Variants in DIAPH1 observed in about 807,000 individuals in gnomAD.
The protein encoded by DIAPH1 is diaphanous related formin 1.
In DIAPH1, 46 loss-of-function variants were observed where a neutral mutation model predicts 140.7. The ratio of observed to expected loss-of-function variants is 0.33; its 90% CI spans 0.26 to 0.42. The LOEUF (loss-of-function observed/expected upper bound fraction) is 0.42, where lower values mean the gene tolerates loss of function less well. Among genes scored for constraint, DIAPH1 ranks in the 10% least tolerant of loss-of-function variants. The pLI, the probability that DIAPH1 is intolerant of heterozygous loss-of-function variation, is 1.00. For synonymous variants in DIAPH1, 565 were observed against 551.6 expected, an observed-to-expected ratio of 1.02 and a Z score of -0.34; for missense variants, 1,310 against 1,558.7, an observed-to-expected ratio of 0.84 and a Z score of 2.69.
At position 141,516,573 on chromosome 5, in the gene DIAPH1, G is replaced by A. The variant is rs938609251; in HGVS notation, c.*278C>T. The A allele has an allele frequency of 2.0e-6, 1 of 498,006 alleles. No homozygotes were observed. Among genetic ancestry groups the A allele is most frequent in the Middle Eastern group, 5.8e-4 (1 of 1,730 alleles). 30.8% of individuals were successfully genotyped at this position (498,006 alleles called of 1,614,324 possible). A position where few individuals can be genotyped will look rare whatever the true frequency, so the allele number is the denominator to read the frequency against. The stretch of plus-strand genomic sequence containing the variant: ...CCCTCTGAGTAACAGAGAGGAGACA[G>A]GGTTAAGGCAGCAAACATGGACCCT... On this transcript the variant is annotated 3_prime_UTR_variant, in exon 28 of 28. Transcript: ENST00000389054.
intron 18 of DIAPH1, chr5:141,560,966 C>T (rs1015816762): frequency 1.1e-5 from 5 of 454,000 alleles, no homozygotes; most frequent in Admixed American, 2.4e-5. Context: ...GATGGGAGGA[C>T]CGCCATCTCT....
At chr5:141,591,507 G>A (rs1031370775) in intron 1 of DIAPH1, among the ~76,000 whole-genome samples, 1 of 151,006 alleles carries the variant, frequency 6.6e-6, no homozygotes, top group African/African-American at 2.4e-5. Flanking sequence ...TCAATGAAGA[G>A]ACTGAAGCCC....
chr5:141,562,001 G>C (rs544874241), intron 18 of DIAPH1: 1 of 152,362 alleles, frequency 6.6e-6, no homozygotes, highest in South Asian at 2.1e-4. Flanking sequence ...ACACTCGAGT[G>C]AAGTCTGGAA....
intron 18 of DIAPH1, among the ~76,000 whole-genome samples, chr5:141,561,603 C>T (rs998025678): frequency 6.6e-6 from 1 of 152,150 alleles, no homozygotes; most frequent in Non-Finnish European, 1.5e-5. Flanking sequence ...AATATAACCA[C>T]ATTATAGAAA....
Position 141,527,597 on chromosome 5 carries a change from T to G in DIAPH1, c.3249A>C (p.Lys1083Asn). The G allele has an allele frequency of 6.2e-7, 1 of 1,613,604 alleles. No individual in the cohort carries two copies. Among genetic ancestry groups the G allele is most frequent in the South Asian group, 1.1e-5 (1 of 90,944 alleles). The change falls in exon 24 of 28, where the codon AAA becomes AAC. Residue 1083 changes from lysine to asparagine, a missense_variant. Physicochemically the swap from Lys to Asn is moderately conservative, Grantham distance 94. Coordinates refer to ENST00000389054, the MANE Select transcript of DIAPH1 (RefSeq NM_005219.5). ...TGGTCATTTTTTCAACAAACTTGTC[T>G]TTTTCATCTGTGGCAGCTGGGAAAT... The part of the protein sequence containing the change: ...VQNFPAATDE[K>N]DKFVEKMTSF...
chr5:141,586,878 ATT>A (rs909110348), intron 3 of DIAPH1, among the ~76,000 whole-genome samples, 162 bp downstream of exon 3: 30 of 152,200 alleles, frequency 2.0e-4, no homozygotes, highest in African/African-American at 7.0e-4. Flanking sequence ...GTATTTGTAT[ATT>A]TAGTCCCTAA....
intron 1 of DIAPH1, among the ~76,000 whole-genome samples, chr5:141,602,551 T>C (rs995204012): frequency 2.0e-5 from 3 of 152,220 alleles, no homozygotes; most frequent in African/African-American, 7.2e-5. Context: ...ACTAAAGGAA[T>C]GTAAAGTCAG....
At chr5:141,598,307 A>G (rs2099899624) in intron 1 of DIAPH1, among the ~76,000 whole-genome samples, 1 of 152,248 alleles carries the variant, frequency 6.6e-6, no homozygotes, top group African/African-American at 2.4e-5. Flanking sequence ...TTTTTATGCA[A>G]TAGAATTAGA....
Position 141,573,993 on chromosome 5 carries a change from A to T in DIAPH1, c.1857T>A (p.Pro619=). The part of the protein sequence containing the change: ...PPPPPPPPPP[P]PLPGGVCISS... Reference sequence around the variant, plus strand: ...AGATGCAAACACCCCCAGGCAAAGGAGGTGGAGGAGGAGGAGGAGGAGGAG... The same window carrying T: ...AGATGCAAACACCCCCAGGCAAAGGTGGTGGAGGAGGAGGAGGAGGAGGAG... The change falls in exon 16 of 28, where the codon CCT becomes CCA. Residue 619 remains proline (P), a synonymous_variant. Transcript: ENST00000389054. 6.5e-7 allele frequency: 1 copy of T among 1,542,870 alleles called. No individual in the cohort carries two copies.
rs746372496 is a variant in DIAPH1 at position 141,519,006 on chromosome 5, G to A, written c.3662-1998C>T. 3.0e-5 allele frequency: 46 copies of A among 1,550,428 alleles called. No homozygotes were observed. The African/African-American group carries it at 5.6e-4, about 19-fold the overall frequency. ...GGGCACAAGAGGTTGTCTACCAAGA[G>A]GAGAAAGAATAGTGAAGACCCTGAC... On this transcript the variant is annotated intron_variant, in intron 27 of 27. Transcript: ENST00000389054.
chr5:141,551,758 AAATAG>A (rs535029360), intron 18 of DIAPH1, among the ~76,000 whole-genome samples: 1 of 152,242 alleles, frequency 6.6e-6, no homozygotes, highest in Non-Finnish European at 1.5e-5. Flanking sequence ...TTGATAAAAC[AAATAG>A]AATACAGAAA....
chr5:141,572,767 C>CAA (rs34465200), intron 16 of DIAPH1, among the ~76,000 whole-genome samples: 3 of 132,436 alleles, frequency 2.3e-5, no homozygotes, highest in Non-Finnish European at 3.3e-5. Flanking sequence ...GACTCCAACT[C>CAA]AAAAAAAAAA....
rs183078666 is a variant in DIAPH1, at chr5:141,615,095, T to C, written c.117+3703A>G. Among the ~76,000 whole-genome samples the C allele has an allele frequency of 3.2e-4, 48 of 152,234 alleles. No homozygotes were observed. In the Middle Eastern group the frequency reaches 0.024, roughly 76 times the overall value. On this transcript the variant is annotated intron_variant, in intron 1 of 27. Coordinates refer to ENST00000389054, the MANE Select transcript of DIAPH1 (RefSeq NM_005219.5). Reference sequence around the variant, plus strand: ...ACTGCAACATGATCATAACTCAATATAGGAATCCAAAATTAAACTAATTTT... The same window carrying C: ...ACTGCAACATGATCATAACTCAATACAGGAATCCAAAATTAAACTAATTTT...
Position 141,526,054 on chromosome 5 carries a change from G to A in DIAPH1, c.3558C>T (p.Leu1186=), listed in dbSNP as rs1301543998. 6.2e-7 allele frequency: 1 copy of A among 1,614,052 alleles called. No homozygotes were observed. Residue 1186 remains leucine, a synonymous_variant, in exon 26 of 28, where the codon CTC becomes CTT. Coordinates refer to ENST00000389054, the MANE Select transcript of DIAPH1 (RefSeq NM_005219.5). ...ACTCCTCACCTGCATTCATGTCTATGAGTTGCTCTCTCTTCTGCTGCTTCT... is the reference window on the plus strand; with the variant it reads ...ACTCCTCACCTGCATTCATGTCTATAAGTTGCTCTCTCTTCTGCTGCTTCT... The part of the protein sequence containing the change: ...RLEKQQKREQ[L]IDMNAEGDET...
chr5:141,579,359 C>A (rs867874643), intron 8 of DIAPH1, among the ~76,000 whole-genome samples, 163 bp from the exon 9 acceptor site: 1 of 152,188 alleles, frequency 6.6e-6, no homozygotes, highest in Middle Eastern at 3.2e-3. Context: ...CCAGAAACTG[C>A]TGAAAGCTAA....
chr5:141,612,211 A>T (rs2099901959), intron 1 of DIAPH1, among the ~76,000 whole-genome samples: 1 of 152,250 alleles, frequency 6.6e-6, no homozygotes. Flanking sequence ...AAGAATGTAA[A>T]ATGAAAACAG....
intron 18 of DIAPH1, among the ~76,000 whole-genome samples, chr5:141,542,621 C>T (rs1164844661): frequency 6.6e-6 from 1 of 151,884 alleles, no homozygotes; most frequent in African/African-American, 2.4e-5. Context: ...TATATTATTT[C>T]ACTTATATGA....
chr5:141,546,578 C>T (rs2154595517), intron 18 of DIAPH1, among the ~76,000 whole-genome samples: 1 of 151,836 alleles, frequency 6.6e-6, no homozygotes, highest in East Asian at 1.9e-4. Context: ...ATTGATTGAA[C>T]CCGAGAGGTG....
chr5:141,538,774 G>T lies in DIAPH1; in HGVS notation c.2483-4341C>A, dbSNP rs114415312. Among the ~76,000 whole-genome samples, 496 of 152,114 alleles carry T rather than the reference G, an allele frequency of 3.3e-3. 2 individuals carry two copies. Among genetic ancestry groups the T allele is most frequent in the African/African-American group, 0.011 (472 of 41,514 alleles). On this transcript the variant is annotated intron_variant, in intron 18 of 27. Coordinates refer to ENST00000389054, the MANE Select transcript of DIAPH1 (RefSeq NM_005219.5). ...ATATTTCTTGTAGAGACACAGTTTC[G>T]CCACTTTGCCCAGGCTGGGCTGGGC...
Sources: allele counts gnomAD v4.1 joint callset (sites outside exome capture counted in the v4.1 genomes callset), GRCh38; gene constraint gnomAD v4.1.1; transcripts MANE v1.5; gene names NCBI Gene and HGNC (gene_info 2026-07-23, HGNC 2026-07-21).